The following DOCK6 variants were observed in gnomAD, a reference collection of about 807,000 sequenced individuals.
DOCK6 encodes dedicator of cytokinesis 6, also known as dedicator of cytokinesis protein 6.
In DOCK6, 167 loss-of-function variants were observed where a neutral mutation model predicts 230.3. That is an observed-to-expected ratio of 0.73 (90% CI 0.64 to 0.82). The LOEUF (loss-of-function observed/expected upper bound fraction) is 0.82, where lower values mean the gene tolerates loss of function less well. DOCK6 is among the 40% of genes least tolerant of loss of function. The pLI is 0.00. For missense variants in DOCK6, 2,598 were observed against 2,825.8 expected (o/e 0.92, Z 1.83); for synonymous variants, 1,148 against 1,185.0 (o/e 0.97, Z 0.64).
chr19:11,242,932 C>T, intron 13 of DOCK6, 127 bp downstream of exon 13: 1 of 1,068,814 alleles, frequency 9.4e-7, no homozygotes, highest in Non-Finnish European at 1.4e-6. Flanking sequence ...CCCCTGAGGT[C>T]AGGGATTTGT....
intron 39 of DOCK6, among the ~76,000 whole-genome samples, chr19:11,205,272 G>A (rs2079239455): frequency 6.6e-6 from 1 of 152,030 alleles, no homozygotes; most frequent in African/African-American, 2.4e-5. Context: ...TTGTTACATA[G>A]GTATACACGT....
chr19:11,227,883 C>G (rs1443644642), intron 23 of DOCK6, among the ~76,000 whole-genome samples: 1 of 151,990 alleles, frequency 6.6e-6, no homozygotes, highest in Non-Finnish European at 1.5e-5. Flanking sequence ...GCTTGAGGCA[C>G]TGGATTTGAA....
chr19:11,222,041 C>A lies in DOCK6; in HGVS notation c.3381-21G>T, dbSNP rs548123261. ...ATGCCCTATGGGGTAATGAGGTGCT[C>A]AGGACAGGGTGGACATGGCTCCTGG... On this transcript the variant is annotated intron_variant, in intron 27 of 47. Transcript: ENST00000294618. This position sits in a 1 kb window ranked among gnomAD's most constrained non-coding sequence, Gnocchi z 4.0. 4.4e-6 allele frequency: 7 copies of A among 1,606,500 alleles called. No individual in the cohort carries two copies. In the African/African-American group the frequency reaches 6.7e-5, roughly 15 times the overall value.
rs1477118823 is a variant in DOCK6, at chr19:11,233,329, G to T, written c.2592C>A (p.Ala864=). 1.9e-6 allele frequency: 3 copies of T among 1,613,732 alleles called. No individual in the cohort carries two copies. The African/African-American group carries it at 4.0e-5, about 22-fold the overall frequency. Residue 864 remains alanine, a synonymous_variant, in exon 22 of 48, where the codon GCC becomes GCA. Transcript: ENST00000294618. ...PPVTVQAATL[A]RGSGRPASLY... ...GGCTTGCGGGGCGACCAGAGCCACGGGCCAGTGTGGCAGCCTGCACTGTCA... is the reference window on the plus strand; with the variant it reads ...GGCTTGCGGGGCGACCAGAGCCACGTGCCAGTGTGGCAGCCTGCACTGTCA...
intron 35 of DOCK6, 85 bp from the exon 36 acceptor site, chr19:11,212,236 C>G: frequency 6.9e-7 from 1 of 1,455,654 alleles, no homozygotes; most frequent in South Asian, 1.3e-5. Context: ...GCCGACATGG[C>G]CCTTGCGTTC....
At position 11,236,139 on chromosome 19, in the gene DOCK6, C is replaced by G; in HGVS notation, c.2392+207G>C. The G allele has an allele frequency of 1.6e-6, 1 of 615,462 alleles. No individual in the cohort carries two copies. Among genetic ancestry groups the G allele is most frequent in the Non-Finnish European group, 2.8e-6 (1 of 362,414 alleles). The allele number at this position is 615,462 out of a possible 1,614,324, so 38.1% of individuals were successfully genotyped here. A position where few individuals can be genotyped will look rare whatever the true frequency, so the allele number is the denominator to read the frequency against. ...AGGTGATCTGCCCGCCTCGGCCTCC[C>G]AAAGTGCTGGGATGACAGGCGTGAA... is the stretch of plus-strand genomic sequence containing the variant. On this transcript the variant is annotated intron_variant, in intron 20 of 47. Transcript: ENST00000294618. This position sits in a 1 kb window ranked among gnomAD's most constrained non-coding sequence, Gnocchi z 5.2.
chr19:11,243,782 T>A lies in DOCK6; in HGVS notation c.1104+20A>T. 2 of 1,613,254 alleles carry A rather than the reference T, an allele frequency of 1.2e-6. No individual in the cohort carries two copies. The highest frequency in any genetic ancestry group is 1.7e-6 in the Non-Finnish European group (2 of 1,179,604). ...TGAGTCAGGGATCTGTTGCCCCTAG[T>A]CCAGCCTCCACACGCTTACCTTGGC... On this transcript the variant is annotated intron_variant, in intron 10 of 47. Coordinates refer to ENST00000294618, the MANE Select transcript of DOCK6 (RefSeq NM_020812.4). This position sits in a 1 kb window ranked among gnomAD's most constrained non-coding sequence, Gnocchi z 6.3.
chr19:11,234,752 G>A (rs2079820735), intron 21 of DOCK6, among the ~76,000 whole-genome samples: 1 of 152,166 alleles, frequency 6.6e-6, no homozygotes, highest in Admixed American at 6.5e-5. Flanking sequence ...CCAAGCTACT[G>A]AAGAGGCTTG....
chr19:11,227,831 C>T (rs963385704), intron 23 of DOCK6, among the ~76,000 whole-genome samples: 1 of 151,094 alleles, frequency 6.6e-6, no homozygotes, highest in Non-Finnish European at 1.5e-5. Context: ...GGGGCTTATG[C>T]GGGTCTCCCC....
intron 41 of DOCK6, 111 bp downstream of exon 41, chr19:11,203,970 C>G: frequency 6.9e-7 from 1 of 1,439,182 alleles, no homozygotes; most frequent in Non-Finnish European, 9.5e-7. Flanking sequence ...GCCCCAGCCC[C>G]AAGGGCCAGC....
At chr19:11,259,744 G>A (rs2080255526) in intron 1 of DOCK6, among the ~76,000 whole-genome samples, 1 of 151,214 alleles carries the variant, frequency 6.6e-6, no homozygotes, top group South Asian at 2.1e-4. Flanking sequence ...GTTACAAAAA[G>A]CTAACTTTTT....
intron 39 of DOCK6, 137 bp from the exon 40 acceptor site, chr19:11,204,468 C>A (rs941246023): frequency 8.9e-6 from 11 of 1,242,048 alleles, no homozygotes; most frequent in Non-Finnish European, 1.1e-5. Context: ...ACCCTGACCA[C>A]CCCTATCCCA....
intron 36 of DOCK6, 36 bp downstream of exon 36, chr19:11,211,957 G>A (rs2079393815): frequency 6.8e-7 from 1 of 1,475,572 alleles, no homozygotes; most frequent in Non-Finnish European, 9.2e-7. Context: ...GGAGTTATAT[G>A]AAGGGGAGGC....
intron 21 of DOCK6, among the ~76,000 whole-genome samples, chr19:11,235,035 C>T (rs780700719): frequency 7.4e-4 from 112 of 151,970 alleles, no homozygotes; most frequent in Non-Finnish European, 1.5e-3. Flanking sequence ...CTCCATTTCC[C>T]GGGTTCAAGT....
At position 11,243,123 on chromosome 19, in the gene DOCK6, G is replaced by C. The variant is rs921330526; in HGVS notation, c.1416C>G (p.Leu472=). 3.1e-6 allele frequency: 5 copies of C among 1,613,882 alleles called. No homozygotes were observed. The African/African-American group carries it at 6.7e-5, about 22-fold the overall frequency. Residue 472 remains leucine, a synonymous_variant, in exon 13 of 48, where the codon CTC becomes CTG. Coordinates refer to ENST00000294618, the MANE Select transcript of DOCK6 (RefSeq NM_020812.4). The surrounding 1 kb of genome is among the most constrained non-coding windows in gnomAD (Gnocchi z 6.3). ...GCCTCATGTCAGCCAGGAACTTGAAGAGGTCCTCGTCACTGAGTCGCTCAG... is the reference window on the plus strand; with the variant it reads ...GCCTCATGTCAGCCAGGAACTTGAACAGGTCCTCGTCACTGAGTCGCTCAG... ...QEAERLSDED[L]FKFLADMRRP... is the part of the protein sequence containing the mutation.
chr19:11,254,886 G>A (rs1486757611), intron 1 of DOCK6, among the ~76,000 whole-genome samples: 1 of 152,212 alleles, frequency 6.6e-6, no homozygotes, highest in African/African-American at 2.4e-5. Flanking sequence ...CAGGTGCAAA[G>A]GACCTGAGTT....
At chr19:11,215,218 C>T (rs1181149400) in intron 32 of DOCK6, among the ~76,000 whole-genome samples, 169 bp downstream of exon 32, 2 of 152,168 alleles carry the variant, frequency 1.3e-5, no homozygotes, top group Non-Finnish European at 2.9e-5. Context: ...GCTGGGATTA[C>T]AGGCATGAGC....
At position 11,238,179 on chromosome 19, in the gene DOCK6, C is replaced by T; in HGVS notation, c.1761+8G>A. On this transcript the variant is annotated splice_region_variant and intron_variant, in intron 15 of 47. Coordinates refer to ENST00000294618, the MANE Select transcript of DOCK6 (RefSeq NM_020812.4). ...CCTACCCCCCTTCCCTGGGGCACAG[C>T]CACTGACCGGCAGAGCCTGGCTGGG... The T allele has an allele frequency of 1.2e-6, 2 of 1,613,698 alleles. No homozygotes were observed. Among genetic ancestry groups the T allele is most frequent in the Non-Finnish European group, 1.7e-6 (2 of 1,179,682 alleles).
chr19:11,242,290 ACT>A, intron 13 of DOCK6, 83 bp from the exon 14 acceptor site: 1 of 1,285,482 alleles, frequency 7.8e-7, no homozygotes, highest in Non-Finnish European at 1.0e-6. Flanking sequence ...GTCAGGGCAG[ACT>A]CTCCCATGAT....
Sources: allele counts gnomAD v4.1 joint callset (sites outside exome capture counted in the v4.1 genomes callset), GRCh38; gene constraint gnomAD v4.1.1; non-coding constraint Gnocchi (gnomAD v3.1); transcripts MANE v1.5; gene names NCBI Gene and HGNC (gene_info 2026-07-23, HGNC 2026-07-21).